The following RPS6KA2 variants were observed in gnomAD, a reference collection of about 807,000 sequenced individuals.
RPS6KA2 encodes the protein ribosomal protein S6 kinase A2.
RPS6KA2 carries 42 observed loss-of-function variants against 91.8 expected under a neutral mutation model. That is an observed-to-expected ratio of 0.46 (90% CI 0.36 to 0.59). The LOEUF is 0.59. Among genes scored for constraint, RPS6KA2 ranks in the 20% least tolerant of loss-of-function variants. RPS6KA2 has a pLI of 0.00. For missense variants in RPS6KA2, 798 were observed against 978.5 expected, an observed-to-expected ratio of 0.82 and a Z score of 2.46; for synonymous variants, 414 against 393.6, an observed-to-expected ratio of 1.05 and a Z score of -0.61.
chr6:166,540,817 G>A (rs1783629774), intron 1 of RPS6KA2, among the ~76,000 whole-genome samples: 1 of 152,152 alleles, frequency 6.6e-6, no homozygotes, highest in South Asian at 2.1e-4. Flanking sequence ...GTCACTGCCT[G>A]TGAGAACCAC....
At chr6:166,621,098 A>G (rs1786610985) in intron 1 of RPS6KA2, among the ~76,000 whole-genome samples, 1 of 152,256 alleles carries the variant, frequency 6.6e-6, no homozygotes, top group African/African-American at 2.4e-5. Flanking sequence ...CATTCGCCGA[A>G]TGGAATCAGG....
chr6:166,527,520 A>G (rs1165217674), intron 3 of RPS6KA2, among the ~76,000 whole-genome samples: 1 of 152,214 alleles, frequency 6.6e-6, no homozygotes, highest in African/African-American at 2.4e-5. Flanking sequence ...AAAGGAACGT[A>G]TTATCTAGCA....
intron 2 of RPS6KA2, among the ~76,000 whole-genome samples, chr6:166,722,518 A>G (rs1457147255): frequency 6.6e-6 from 1 of 152,248 alleles, no homozygotes; most frequent in African/African-American, 2.4e-5. Flanking sequence ...CAGGGCCCAC[A>G]GCCACAGAGG....
chr6:166,768,738 C>G (rs1778387774), intron 2 of RPS6KA2, among the ~76,000 whole-genome samples: 1 of 152,190 alleles, frequency 6.6e-6, no homozygotes, highest in Non-Finnish European at 1.5e-5. Context: ...TGGGCTGCTC[C>G]CGGGTGACGC....
intron 2 of RPS6KA2, among the ~76,000 whole-genome samples, chr6:166,640,795 A>T (rs1787405823): frequency 7.0e-6 from 1 of 143,538 alleles, no homozygotes; most frequent in African/African-American, 2.5e-5. Flanking sequence ...CCAGAGGTTC[A>T]GTGGGGGGCC....
chr6:166,497,946 C>T (rs957863315), intron 8 of RPS6KA2, among the ~76,000 whole-genome samples: 2 of 152,166 alleles, frequency 1.3e-5, no homozygotes, highest in African/African-American at 2.4e-5. Flanking sequence ...GGTCACCAGC[C>T]CCCTGCCCAG....
chr6:166,688,960 T>C (rs1271531460), intron 2 of RPS6KA2, among the ~76,000 whole-genome samples: 2 of 152,234 alleles, frequency 1.3e-5, no homozygotes, highest in Admixed American at 6.5e-5. Context: ...AGCAAGAGAT[T>C]TCAGTGGAGT....
At chr6:166,781,036 C>G (rs1778756707) in intron 2 of RPS6KA2, among the ~76,000 whole-genome samples, 1 of 152,194 alleles carries the variant, frequency 6.6e-6, no homozygotes, top group Non-Finnish European at 1.5e-5. Context: ...CTCTCCCAGC[C>G]TTTAAGGACT....
intron 2 of RPS6KA2, among the ~76,000 whole-genome samples, chr6:166,651,688 C>T (rs2128554361): frequency 6.6e-6 from 1 of 152,362 alleles, no homozygotes; most frequent in Non-Finnish European, 1.5e-5. Flanking sequence ...AAGAGGACAG[C>T]AGCCCTTACA....
At chr6:166,645,651 C>A (rs1278320899) in intron 2 of RPS6KA2, among the ~76,000 whole-genome samples, 1 of 152,236 alleles carries the variant, frequency 6.6e-6, no homozygotes, top group Non-Finnish European at 1.5e-5. Flanking sequence ...CTGGATCTAC[C>A]TGGAGATGGG....
intron 1 of RPS6KA2, among the ~76,000 whole-genome samples, chr6:166,611,051 GATAAT>G: frequency 6.6e-6 from 1 of 152,106 alleles, no homozygotes; most frequent in East Asian, 1.9e-4. Flanking sequence ...ATTGCAGACA[GATAAT>G]ATATTTATTT....
intron 1 of RPS6KA2, among the ~76,000 whole-genome samples, chr6:166,576,139 C>T (rs894202454): frequency 6.6e-6 from 1 of 152,204 alleles, no homozygotes; most frequent in Non-Finnish European, 1.5e-5. Context: ...AAGTACCTTA[C>T]ACCTCCTGCC....
rs557627655 is a variant in RPS6KA2, at chr6:166,469,133, G to C, written c.972+708C>G. ...AACTCCCTGTGTGGGGGACGCGTCA[G>C]ACGCTGACTGCTTCACCATTCGGAG... On this transcript the variant is annotated intron_variant, in intron 11 of 20. Coordinates refer to ENST00000265678, the MANE Select transcript of RPS6KA2 (RefSeq NM_021135.6). Among the ~76,000 whole-genome samples, 8 of 152,318 alleles carry C rather than the reference G, an allele frequency of 5.3e-5. No homozygotes were observed. In the South Asian group the frequency reaches 1.7e-3, roughly 32 times the overall value.
chr6:166,577,756 T>C (rs2128513647), intron 1 of RPS6KA2, among the ~76,000 whole-genome samples: 1 of 152,322 alleles, frequency 6.6e-6, no homozygotes, highest in East Asian at 1.9e-4. Flanking sequence ...TTTGGGGGAC[T>C]GCTGTGAAGG....
Position 166,726,256 on chromosome 6 carries a change from C to T in RPS6KA2, c.123+131944G>A, listed in dbSNP as rs1417822428. Among the ~76,000 whole-genome samples the T allele has an allele frequency of 2.6e-5, 4 of 152,016 alleles. No individual in the cohort carries two copies. Among genetic ancestry groups the T allele is most frequent in the Admixed American group, 2.6e-4 (4 of 15,260 alleles). Reference sequence around the variant, plus strand: ...AGAATAAACTGAAAAGCAGACAGTACCTAGGACAAGGACAGACCAGAGGCT... The same window carrying T: ...AGAATAAACTGAAAAGCAGACAGTATCTAGGACAAGGACAGACCAGAGGCT... On this transcript the variant is annotated intron_variant, in intron 2 of 21. Coordinates refer to the RPS6KA2 transcript ENST00000503859. This position sits in a 1 kb window ranked among gnomAD's most constrained non-coding sequence, Gnocchi z 4.4.
intron 2 of RPS6KA2, among the ~76,000 whole-genome samples, chr6:166,757,245 A>G (rs1157581496): frequency 6.6e-6 from 1 of 152,148 alleles, no homozygotes; most frequent in African/African-American, 2.4e-5. Flanking sequence ...CCTTCCCCTC[A>G]GTTGTGAAAA....
In RPS6KA2 at chr6:166,503,242, G is replaced by A. The variant is rs367897850; in HGVS notation, c.566+1264C>T. ...ATTTACACACGTATTCAACTCACAT[G>A]TGTGCCTGTGGCGTTCCACGGACTG... On this transcript the variant is annotated intron_variant, in intron 6 of 20. Coordinates refer to ENST00000265678, the MANE Select transcript of RPS6KA2 (RefSeq NM_021135.6). Among the ~76,000 whole-genome samples, 12 of 152,344 alleles carry A rather than the reference G, an allele frequency of 7.9e-5. No homozygotes were observed. In the East Asian group the frequency reaches 1.5e-3, roughly 20 times the overall value.
chr6:166,553,557 G>A (rs544910936), intron 1 of RPS6KA2, among the ~76,000 whole-genome samples: 61 of 147,774 alleles, frequency 4.1e-4, no homozygotes, highest in African/African-American at 1.5e-3. Flanking sequence ...TTCCCAAGTA[G>A]CAAACTGACT....
rs141332148 is a variant in RPS6KA2, at chr6:166,606,133, A to C, written c.99+20788T>G. ...AGCTACAGCCCAAGGATGCAGTTCC[A>C]ACTCCTGCCCTTATGAAAATAAAAT... is the stretch of plus-strand genomic sequence containing the variant. On this transcript the variant is annotated intron_variant, in intron 1 of 20. Transcript: ENST00000265678. Among the ~76,000 whole-genome samples the C allele has an allele frequency of 6.2e-3, 943 of 152,336 alleles. 11 individuals are homozygous for C. The highest frequency in any genetic ancestry group is 7.3e-3 in the Non-Finnish European group (496 of 68,030).
Sources: gnomAD v4.1 joint callset for allele counts (sites outside exome capture counted in the v4.1 genomes callset) on GRCh38, gnomAD v4.1.1 for gene constraint, Gnocchi (gnomAD v3.1) non-coding constraint, MANE v1.5 for transcripts, NCBI Gene and HGNC (gene_info 2026-07-23, HGNC 2026-07-21) for gene names.